Variants in FRMPD3 observed in about 807,000 individuals in gnomAD.
FRMPD3 encodes FERM and PDZ domain-containing protein 3.
In FRMPD3, 42 loss-of-function variants were observed where a neutral mutation model predicts 97.9. The observed-to-expected ratio is 0.43, with a 90% confidence interval of 0.34 to 0.55. The LOEUF (loss-of-function observed/expected upper bound fraction) is 0.55. Among genes scored for constraint, FRMPD3 ranks in the 20% least tolerant of loss-of-function variants. The probability of loss-of-function intolerance (pLI) is 0.03; values close to 1 mark genes in which losing one functional copy is unlikely to be tolerated. For missense variants in FRMPD3, 1,303 were observed against 1,457.7 expected, an observed-to-expected ratio of 0.89 and a Z score of 1.73; for synonymous variants, 577 against 581.1, an observed-to-expected ratio of 0.99 and a Z score of 0.10.
intron 1 of FRMPD3, among the ~76,000 whole-genome samples, chrX:107,500,075 A>G (rs998175278): frequency 8.9e-6 from 1 of 111,935 alleles, no homozygotes; most frequent in Non-Finnish European, 1.9e-5. Flanking sequence ...TGCCGTAGAA[A>G]TGTCCCATTT....
intron 14 of FRMPD3, among the ~76,000 whole-genome samples, chrX:107,598,401 G>GAAAT (rs1335075692): frequency 4.2e-4 from 47 of 112,232 alleles, no homozygotes; most frequent in African/African-American, 1.4e-3. Flanking sequence ...CAGGGATTGG[G>GAAAT]GTCATGACAG....
intron 1 of FRMPD3, among the ~76,000 whole-genome samples, chrX:107,501,430 G>A (rs1921905521): frequency 1.5e-5 from 1 of 68,296 alleles, no homozygotes; most frequent in Non-Finnish European, 2.5e-5. Context: ...CTGCAGTGGC[G>A]CAATCTCGGC....
In FRMPD3 at chrX:107,530,416, C is replaced by T; in HGVS notation, c.156C>T (p.Pro52=). ...VVVRSVRPGG[P]SENKLLAGDQ... ...CTCTCCTCTCCTTTGCAGGAGGCCC[C>T]TCTGAGAACAAGCTCCTGGCTGGTG... Residue 52 remains proline, a synonymous_variant, in exon 3 of 15, where the codon CCC becomes CCT. Coordinates refer to ENST00000683843, the MANE Select transcript of FRMPD3 (RefSeq NM_001388459.1). The T allele has an allele frequency of 8.4e-7, 1 of 1,188,721 alleles. No homozygotes were observed. Among genetic ancestry groups the T allele is most frequent in the Non-Finnish European group, 1.1e-6 (1 of 883,735 alleles).
intron 1 of FRMPD3, among the ~76,000 whole-genome samples, chrX:107,470,106 T>C (rs1158384076): frequency 8.9e-6 from 1 of 112,386 alleles, no homozygotes; most frequent in Non-Finnish European, 1.9e-5. Context: ...AAAAGAGAAA[T>C]TGAACATTAG....
At chrX:107,463,480 G>A (rs1215559458) in intron 1 of FRMPD3, among the ~76,000 whole-genome samples, 1 of 112,201 alleles carries the variant, frequency 8.9e-6, no homozygotes, top group Non-Finnish European at 1.9e-5. Flanking sequence ...CTATTGTTGC[G>A]AGAACTCAAA....
chrX:107,577,208 G>C (rs1235240009), intron 13 of FRMPD3, among the ~76,000 whole-genome samples: 1 of 103,451 alleles, frequency 9.7e-6, no homozygotes, highest in African/African-American at 3.5e-5. Context: ...AATAGGCCAG[G>C]CATGGTGGCT....
intron 12 of FRMPD3, among the ~76,000 whole-genome samples, chrX:107,568,746 A>G (rs1922724235): frequency 9.1e-6 from 1 of 109,839 alleles, no homozygotes; most frequent in African/African-American, 3.3e-5. Context: ...AAAAATAGAA[A>G]AAAAATTAAA....
At chrX:107,469,364 A>G (rs1437723904) in intron 1 of FRMPD3, among the ~76,000 whole-genome samples, 2 of 111,615 alleles carry the variant, frequency 1.8e-5, no homozygotes, top group Non-Finnish European at 3.8e-5. Flanking sequence ...TTTTAAAACC[A>G]TCGGATCTCA....
At chrX:107,547,672 A>G (rs1237686645) in intron 5 of FRMPD3, among the ~76,000 whole-genome samples, 3 of 111,564 alleles carry the variant, frequency 2.7e-5, no homozygotes, top group African/African-American at 9.8e-5. Flanking sequence ...TGCTGCCGCC[A>G]GTATGGACCA....
chrX:107,535,786 G>A (rs992302297), intron 4 of FRMPD3, among the ~76,000 whole-genome samples: 4 of 110,396 alleles, frequency 3.6e-5, no homozygotes, highest in African/African-American at 1.3e-4. Context: ...TATCACATGT[G>A]GGTTTATGTC....
chrX:107,503,994 C>G (rs1033589211), intron 1 of FRMPD3, among the ~76,000 whole-genome samples: 3 of 112,800 alleles, frequency 2.7e-5, no homozygotes, highest in Non-Finnish European at 5.6e-5. Flanking sequence ...CTGTGTGGCC[C>G]ATGCTGGGAA....
chrX:107,461,412 C>T lies in FRMPD3; in HGVS notation c.-8+11407C>T, dbSNP rs1397451656. ...CTTGGAATCAATCACTCCCTCCCCA[C>T]TCCAGTCAGTCACCACAGTTCATCT... On this transcript the variant is annotated intron_variant, in intron 1 of 14. Transcript: ENST00000683843. Among the ~76,000 whole-genome samples the T allele has an allele frequency of 6.3e-5, 7 of 110,916 alleles. No homozygotes were observed. In the Admixed American group the frequency reaches 6.7e-4, roughly 11 times the overall value.
At chrX:107,578,261 G>T (rs1301165783) in intron 13 of FRMPD3, among the ~76,000 whole-genome samples, 1 of 111,659 alleles carries the variant, frequency 9.0e-6, no homozygotes. Context: ...TGGCTCTGTA[G>T]TCCCACCCTA....
intron 13 of FRMPD3, among the ~76,000 whole-genome samples, chrX:107,589,052 C>T (rs937984273): frequency 9.0e-6 from 1 of 111,548 alleles, no homozygotes; most frequent in African/African-American, 3.3e-5. Context: ...TTTTTTATTA[C>T]CTATCTTCCG....
At chrX:107,484,915 A>G (rs1921465417) in intron 1 of FRMPD3, among the ~76,000 whole-genome samples, 1 of 112,348 alleles carries the variant, frequency 8.9e-6, no homozygotes, top group Non-Finnish European at 1.9e-5. Flanking sequence ...CTTCACCTCC[A>G]GGACTACTGA....
chrX:107,476,662 G>T (rs1921208567), intron 1 of FRMPD3, among the ~76,000 whole-genome samples: 2 of 112,442 alleles, frequency 1.8e-5, no homozygotes, highest in South Asian at 7.5e-4. Flanking sequence ...GCTATTTCTG[G>T]TATCATTATT....
chrX:107,566,073 C>T (rs1408697690), intron 12 of FRMPD3, among the ~76,000 whole-genome samples: 3 of 112,695 alleles, frequency 2.7e-5, no homozygotes, highest in Non-Finnish European at 5.6e-5. Context: ...TCAACTCCTT[C>T]GGACTGGCAA....
chrX:107,585,712 G>C (rs1457620697), intron 13 of FRMPD3, among the ~76,000 whole-genome samples: 1 of 111,857 alleles, frequency 8.9e-6, no homozygotes, highest in Admixed American at 9.5e-5. Flanking sequence ...GTGTTTTTTT[G>C]TCTTTGGTTC....
At chrX:107,511,278 C>T (rs1170690648) in intron 1 of FRMPD3, among the ~76,000 whole-genome samples, 2 of 112,415 alleles carry the variant, frequency 1.8e-5, no homozygotes, top group East Asian at 2.8e-4. Flanking sequence ...GTTCATGCCT[C>T]GTGCCACATA....
Sources: gnomAD v4.1 joint callset for allele counts (sites outside exome capture counted in the v4.1 genomes callset) on GRCh38, gnomAD v4.1.1 for gene constraint, MANE v1.5 for transcripts, NCBI Gene and HGNC (gene_info 2026-07-23, HGNC 2026-07-21) for gene names.